CST5: variants seen among roughly 807,000 people sequenced by gnomAD.
CST5 encodes the protein cystatin D, also known as cystatin-D.
A neutral mutation model predicts 11.5 loss-of-function variants in CST5; 13 were observed. That is an observed-to-expected ratio of 1.13 (90% CI 0.73 to 1.79). The LOEUF is 1.79. Ranked by LOEUF, CST5 falls within the 40% of genes most tolerant of loss-of-function variation. The pLI, the probability that CST5 is intolerant of heterozygous loss-of-function variation, is 0.00. For synonymous variants in CST5, 81 were observed against 67.6 expected (o/e 1.20, Z -0.97); for missense variants, 219 against 174.5 (o/e 1.25, Z -1.44).
chr20:23,878,226 T>C (rs2033034828), intron 1 of CST5, among the ~76,000 whole-genome samples: 2 of 152,172 alleles, frequency 1.3e-5, no homozygotes, highest in Admixed American at 6.5e-5. Flanking sequence ...CTCACATACA[T>C]TGATGTTTTA....
intron 1 of CST5, 58 bp downstream of exon 1, chr20:23,879,388 G>C (rs1157737845): frequency 1.6e-6 from 2 of 1,277,766 alleles, no homozygotes; most frequent in South Asian, 2.4e-5. Flanking sequence ...GTGCTCTGGG[G>C]GGTGAGGCAA....
intron 1 of CST5, among the ~76,000 whole-genome samples, chr20:23,878,199 C>A (rs188194039): frequency 6.6e-6 from 1 of 152,206 alleles, no homozygotes; most frequent in Non-Finnish European, 1.5e-5. Context: ...CCTCATTTCT[C>A]AGTAGGAGAT....
chr20:23,879,436 T>C lies in CST5; in HGVS notation c.231+10A>G. 6 of 1,610,510 alleles carry C rather than the reference T, an allele frequency of 3.7e-6. No homozygotes were observed. The highest frequency in any genetic ancestry group is 4.2e-6 in the Non-Finnish European group (5 of 1,177,364). The stretch of plus-strand genomic sequence containing the variant: ...GGACTCAGGACCCCCAGGGTGGTGG[T>C]AGCACGCACCTGCTGGTAGGCAGCC... On this transcript the variant is annotated intron_variant, in intron 1 of 2. Transcript: ENST00000304710.
At chr20:23,877,931 G>A (rs1262788391) in intron 1 of CST5, among the ~76,000 whole-genome samples, 1 of 152,236 alleles carries the variant, frequency 6.6e-6, no homozygotes, top group South Asian at 2.1e-4. Flanking sequence ...AGAAGGCACA[G>A]CTCTGGGGAA....
rs2122210453 is a variant in CST5, at chr20:23,877,515, T to G, written c.335A>C (p.Lys112Thr). 6.2e-7 allele frequency: 1 copy of G among 1,613,996 alleles called. No individual in the cohort carries two copies. Among genetic ancestry groups the G allele is most frequent in the East Asian group, 2.2e-5 (1 of 44,884 alleles). ...LDNCPFNDQP[K>T]LKEEEFCSFQ... is the part of the protein sequence containing the mutation. ...ACATCAGGCACATACCTCTTTCAGT[T>G]TTGGCTGGTCATTGAAGGGACAGTT... Residue 112 changes from lysine to threonine, a missense_variant, in exon 2 of 3, where the codon AAA (lysine) becomes ACA (threonine). Physicochemically the swap from Lys to Thr is moderately conservative, Grantham distance 78. Coordinates refer to ENST00000304710, the MANE Select transcript of CST5 (RefSeq NM_001900.5).
At chr20:23,876,532 A>T (rs746465710) in intron 2 of CST5, among the ~76,000 whole-genome samples, 2 of 152,112 alleles carry the variant, frequency 1.3e-5, no homozygotes, top group Admixed American at 1.3e-4. Context: ...GCGCAGCCCT[A>T]TGAGGAGCAG....
At position 23,876,239 on chromosome 20, in the gene CST5, A is replaced by G; in HGVS notation, c.378T>C (p.Val126=). ...EEFCSFQINE[V]PWEDKISILN... is the part of the protein sequence containing the mutation. ...GAATGGAAATTTTATCCTCCCAGGGAACTTCATTGATCTGGAAAGAGCAGA... is the reference window on the plus strand; with the variant it reads ...GAATGGAAATTTTATCCTCCCAGGGGACTTCATTGATCTGGAAAGAGCAGA... The change falls in exon 3 of 3, where the codon GTT becomes GTC. Residue 126 remains valine (V), a synonymous_variant. Coordinates refer to ENST00000304710, the MANE Select transcript of CST5 (RefSeq NM_001900.5). The G allele has an allele frequency of 3.1e-6, 5 of 1,613,880 alleles. No homozygotes were observed. Among genetic ancestry groups the G allele is most frequent in the Middle Eastern group, 1.7e-4 (1 of 6,058 alleles).
At chr20:23,878,450 C>CCCTGTGGAACCACACACAAGT (rs1986009526) in intron 1 of CST5, among the ~76,000 whole-genome samples, 1 of 152,150 alleles carries the variant, frequency 6.6e-6, no homozygotes, top group Non-Finnish European at 1.5e-5. Flanking sequence ...CTAGACCTTG[C>CCCTGTGGAACCACACACAAGT]CCTGTGGAAC....
intron 2 of CST5, among the ~76,000 whole-genome samples, chr20:23,876,662 G>A: frequency 6.6e-6 from 1 of 152,192 alleles, no homozygotes; most frequent in East Asian, 1.9e-4. Context: ...GAAGAACCCA[G>A]GGAACTGGAA....
intron 1 of CST5, among the ~76,000 whole-genome samples, chr20:23,878,940 G>A (rs569020339): frequency 1.3e-5 from 2 of 152,370 alleles, no homozygotes; most frequent in African/African-American, 4.8e-5. Flanking sequence ...TACCCCAGCA[G>A]GAACTCAGCT....
At chr20:23,878,779 T>C (rs116777064) in intron 1 of CST5, among the ~76,000 whole-genome samples, 3,873 of 152,324 alleles carry the variant, frequency 0.025, 176 homozygotes, top group African/African-American at 0.089. Flanking sequence ...TGCTCTGCCA[T>C]GGGACGTAGG....
Position 23,879,614 on chromosome 20 carries a change from C to A in CST5, c.63G>T (p.Gly21=). The A allele has an allele frequency of 6.2e-7, 1 of 1,614,098 alleles. No individual in the cohort carries two copies. The highest frequency in any genetic ancestry group is 8.5e-7 in the Non-Finnish European group (1 of 1,180,002). The part of the protein sequence containing the change: ...LLTALMVAVA[G]SASAQSRTLA... ...AGGTCCTAGATTGGGCCGAGGCACT[C>A]CCGGCCACGGCCACCATCAAGGCAG... The change falls in exon 1 of 3, where the codon GGG becomes GGT. Residue 21 remains glycine, a synonymous_variant. Coordinates refer to ENST00000304710, the MANE Select transcript of CST5 (RefSeq NM_001900.5).
rs749574734 is a variant in CST5, at chr20:23,877,501, A to T, written c.345+4T>A. The stretch of plus-strand genomic sequence containing the variant: ...GATGCCCCTGACCCACATCAGGCAC[A>T]TACCTCTTTCAGTTTTGGCTGGTCA... On this transcript the variant is annotated splice_donor_region_variant and intron_variant, in intron 2 of 2. Coordinates refer to ENST00000304710, the MANE Select transcript of CST5 (RefSeq NM_001900.5). 1.2e-6 allele frequency: 2 copies of T among 1,613,020 alleles called. No homozygotes were observed. The highest frequency in any genetic ancestry group is 2.7e-5 in the African/African-American group (2 of 74,892).
intron 1 of CST5, among the ~76,000 whole-genome samples, chr20:23,877,819 G>T (rs183119250): frequency 1.3e-5 from 2 of 152,304 alleles, no homozygotes; most frequent in Admixed American, 6.5e-5. Flanking sequence ...GTTTTCTCTG[G>T]GTATCTCAAG....
chr20:23,876,305 G>C, intron 2 of CST5, 34 bp from the exon 3 acceptor site: 1 of 1,555,780 alleles, frequency 6.4e-7, no homozygotes, highest in Non-Finnish European at 8.9e-7. Flanking sequence ...AAATGACTGT[G>C]GGTTACAGTT....
chr20:23,879,619 C>T lies in CST5; in HGVS notation c.58G>A (p.Ala20Thr). ...LLLTALMVAV[A>T]GSASAQSRTL... ...CTAGATTGGGCCGAGGCACTCCCGG[C>T]CACGGCCACCATCAAGGCAGTCAGC... is the stretch of plus-strand genomic sequence containing the variant. Residue 20 changes from alanine (A) to threonine (T), a missense_variant, in exon 1 of 3, where the codon GCC becomes ACC. Ala to Thr is a moderately conservative substitution (Grantham distance 58). Coordinates refer to ENST00000304710, the MANE Select transcript of CST5 (RefSeq NM_001900.5). 6.2e-7 allele frequency: 1 copy of T among 1,614,092 alleles called. No individual in the cohort carries two copies. The highest frequency in any genetic ancestry group is 8.5e-7 in the Non-Finnish European group (1 of 1,179,988).
intron 1 of CST5, among the ~76,000 whole-genome samples, 191 bp downstream of exon 1, chr20:23,879,255 G>A (rs1986030000): frequency 6.6e-6 from 1 of 152,198 alleles, no homozygotes; most frequent in Admixed American, 6.5e-5. Flanking sequence ...AGGCCGAGGG[G>A]ACAGGACAGG....
chr20:23,877,438 TACAC>T (rs934414280), intron 2 of CST5, 63 bp downstream of exon 2: 5 of 1,197,040 alleles, frequency 4.2e-6, no homozygotes, highest in South Asian at 2.6e-5. Context: ...CACACACACA[TACAC>T]ACACACACAT....
At chr20:23,879,388 G>A (rs1157737845) in intron 1 of CST5, 58 bp downstream of exon 1, 3 of 1,277,886 alleles carry the variant, frequency 2.3e-6, no homozygotes, top group African/African-American at 1.5e-5. Context: ...GTGCTCTGGG[G>A]GGTGAGGCAA....
Sources: allele counts gnomAD v4.1 joint callset (sites outside exome capture counted in the v4.1 genomes callset), GRCh38; gene constraint gnomAD v4.1.1; transcripts MANE v1.5; gene names NCBI Gene and HGNC (gene_info 2026-07-23, HGNC 2026-07-21).